Variants in FAM83G observed in about 807,000 individuals in gnomAD.
FAM83G encodes protein FAM83G.
In FAM83G, 38 loss-of-function variants were observed where a neutral mutation model predicts 61.5. The ratio of observed to expected loss-of-function variants is 0.62; its 90% CI spans 0.48 to 0.81. The LOEUF is 0.81. Among genes scored for constraint, FAM83G ranks in the 30% least tolerant of loss-of-function variants. The pLI is 0.00. For missense variants in FAM83G, 989 were observed against 1,133.6 expected (o/e 0.87, Z 1.83); for synonymous variants, 470 against 476.1 (o/e 0.99, Z 0.17).
At chr17:18,982,904 G>A (rs1219463902) in intron 3 of FAM83G, among the ~76,000 whole-genome samples, 4 of 152,202 alleles carry the variant, frequency 2.6e-5, no homozygotes, top group African/African-American at 9.7e-5. Flanking sequence ...CTATGAAAGG[G>A]TCTACTCATC....
At chr17:18,989,976 G>A (rs1032622104) in intron 2 of FAM83G, among the ~76,000 whole-genome samples, 1 of 152,234 alleles carries the variant, frequency 6.6e-6, no homozygotes, top group African/African-American at 2.4e-5. Context: ...GGAGGTGTGG[G>A]ACCAGCTGGG....
In FAM83G at chr17:19,000,008, G is replaced by A. The variant is rs2152140351; in HGVS notation, c.522+3512C>T. Among the ~76,000 whole-genome samples the A allele has an allele frequency of 6.6e-6, 1 of 152,382 alleles. No individual in the cohort carries two copies. The highest frequency in any genetic ancestry group is 2.4e-5 in the African/African-American group (1 of 41,600). ...AGAACATCTACATCCAGCTCTGGCT[G>A]AGGAAGCCCCAACCCAGCCCAGCCT... On this transcript the variant is annotated intron_variant, in intron 2 of 5. Transcript: ENST00000388995. This position sits in a 1 kb window ranked among gnomAD's most constrained non-coding sequence, Gnocchi z 5.2.
At position 18,979,428 on chromosome 17, in the gene FAM83G, C is replaced by T. The variant is rs377235480; in HGVS notation, c.815+121G>A. ...GGCGGGCAGATGTGCTCCAGCCCTGCGCACACCTCAGCAGCCTTGGGACCA... is the reference window on the plus strand; with the variant it reads ...GGCGGGCAGATGTGCTCCAGCCCTGTGCACACCTCAGCAGCCTTGGGACCA... On this transcript the variant is annotated intron_variant, in intron 4 of 5. Transcript: ENST00000388995. The T allele has an allele frequency of 7.6e-5, 95 of 1,250,388 alleles. No individual in the cohort carries two copies. The African/African-American group carries it at 1.0e-3, about 13-fold the overall frequency. 77.5% of individuals were successfully genotyped at this position (1,250,388 alleles called of 1,614,324 possible).
In FAM83G at chr17:19,003,577, T is replaced by G; in HGVS notation, c.465A>C (p.Ile155=). 1 of 1,593,822 alleles carries G rather than the reference T, an allele frequency of 6.3e-7. No homozygotes were observed. The highest frequency in any genetic ancestry group is 8.5e-7 in the Non-Finnish European group (1 of 1,170,076). The change falls in exon 2 of 6, where the codon ATA becomes ATC. Residue 155 remains isoleucine, a synonymous_variant. Coordinates refer to ENST00000388995, the MANE Select transcript of FAM83G (RefSeq NM_001039999.3). This position sits in a 1 kb window ranked among gnomAD's most constrained non-coding sequence, Gnocchi z 4.5. ...TRASVYMQPP[I]DGQAHIKEVV... is the part of the protein sequence containing the mutation. ...CCTCTTTGATGTGGGCCTGCCCGTC[T>G]ATGGGGGGCTGCATGTAGACGCTAG... is the stretch of plus-strand genomic sequence containing the variant.
intron 3 of FAM83G, among the ~76,000 whole-genome samples, chr17:18,982,768 G>A (rs2043171746): frequency 1.3e-5 from 2 of 152,248 alleles, no homozygotes; most frequent in Admixed American, 6.5e-5. Flanking sequence ...AGAGGGGGCT[G>A]AGCCCAGGAG....
rs906367161 is a variant in FAM83G, at chr17:18,969,052, C to G, written c.*2307G>C. 1.2e-6 allele frequency: 2 copies of G among 1,612,768 alleles called. No homozygotes were observed. Among genetic ancestry groups the G allele is most frequent in the East Asian group, 2.2e-5 (1 of 44,860 alleles). On this transcript the variant is annotated 3_prime_UTR_variant, in exon 6 of 6. Transcript: ENST00000388995. ...CACACAAGGCTCTCTCCCTCCGCAG[C>G]TGGACCTGTACGCGGGGGCTCTGTT...
Position 18,984,235 on chromosome 17 carries a change from G to C in FAM83G, c.690+4012C>G, listed in dbSNP as rs565697017. Reference sequence around the variant, plus strand: ...CGGGCCCCTGTAGTCCCAGCTACTGGGGAGGCTGAAGCAGGATAATGGCAC... The same window carrying C: ...CGGGCCCCTGTAGTCCCAGCTACTGCGGAGGCTGAAGCAGGATAATGGCAC... On this transcript the variant is annotated intron_variant, in intron 3 of 5. Transcript: ENST00000388995. 1.8e-4 allele frequency among the ~76,000 whole-genome samples: 28 copies of C among 151,894 alleles called. No homozygotes were observed. The East Asian group carries it at 5.2e-3, about 28-fold the overall frequency.
At chr17:18,977,101 C>T in intron 5 of FAM83G, 1 of 1,467,272 alleles carries the variant, frequency 6.8e-7, no homozygotes, top group Non-Finnish European at 9.2e-7. Context: ...GAACTGTTCC[C>T]CAACCTGGGG....
At chr17:18,985,928 T>C (rs1308617819) in intron 3 of FAM83G, among the ~76,000 whole-genome samples, 1 of 152,244 alleles carries the variant, frequency 6.6e-6, no homozygotes, top group Admixed American at 6.5e-5. Context: ...TTAGAATGTG[T>C]GGTTCTTGCC....
At chr17:18,982,960 A>G (rs1282913319) in intron 3 of FAM83G, among the ~76,000 whole-genome samples, 1 of 152,260 alleles carries the variant, frequency 6.6e-6, no homozygotes, top group African/African-American at 2.4e-5. Context: ...GCCACAGTAC[A>G]GGTGGGGCCC....
Position 18,968,853 on chromosome 17 carries a change from C to A in FAM83G, c.*2506G>T. 2 of 584,796 alleles carry A rather than the reference C, an allele frequency of 3.4e-6. No individual in the cohort carries two copies. The highest frequency in any genetic ancestry group is 2.1e-5 in the South Asian group (1 of 46,820). The allele number at this position is 584,796 out of a possible 1,614,324, so 36.2% of individuals were successfully genotyped here. A position where few individuals can be genotyped will look rare whatever the true frequency, so the allele number is the denominator to read the frequency against. On this transcript the variant is annotated 3_prime_UTR_variant, in exon 6 of 6. Transcript: ENST00000388995. The surrounding 1 kb of genome is among the most constrained non-coding windows in gnomAD (Gnocchi z 4.1). ...ACAGTAATGTCCCCTGACATCCGCACAAGCTTGTAGCTCCACGGCCAGGTC... is the reference window on the plus strand; with the variant it reads ...ACAGTAATGTCCCCTGACATCCGCAAAAGCTTGTAGCTCCACGGCCAGGTC...
intron 2 of FAM83G, among the ~76,000 whole-genome samples, chr17:18,994,402 G>C (rs1432287651): frequency 6.6e-6 from 1 of 152,186 alleles, no homozygotes; most frequent in Non-Finnish European, 1.5e-5. Flanking sequence ...GAGTGTAGCA[G>C]CTAGGATTTG....
intron 3 of FAM83G, 100 bp from the exon 4 acceptor site, chr17:18,979,773 A>C: frequency 7.4e-7 from 1 of 1,349,528 alleles, no homozygotes; most frequent in Non-Finnish European, 1.0e-6. Context: ...GGGACTCTGG[A>C]GTAGTCAGGA....
rs377671707 is a variant in FAM83G, at chr17:19,003,547, C to T, written c.495G>A (p.Val165=). The change falls in exon 2 of 6, where the codon GTG becomes GTA. Residue 165 remains valine, a synonymous_variant. Transcript: ENST00000388995. This position sits in a 1 kb window ranked among gnomAD's most constrained non-coding sequence, Gnocchi z 4.5. ...TCTGTGCCTGGCTGATCATCTTCCG[C>T]ACCACCTCTTTGATGTGGGCCTGCC... ...IDGQAHIKEV[V]RKMISQAQKV... The T allele has an allele frequency of 6.4e-7, 1 of 1,552,522 alleles. No individual in the cohort carries two copies. The highest frequency in any genetic ancestry group is 8.7e-7 in the Non-Finnish European group (1 of 1,149,066).
At position 18,988,281 on chromosome 17, in the gene FAM83G, C is replaced by T. The variant is rs1302241140; in HGVS notation, c.656G>A (p.Cys219Tyr). Residue 219 changes from cysteine (C) to tyrosine (Y), a missense_variant, in exon 3 of 6, where the codon TGT becomes TAT. Coordinates refer to ENST00000388995, the MANE Select transcript of FAM83G (RefSeq NM_001039999.3). Reference protein sequence around the residue: ...ESNVKYFLHMCERACMHLGHL... With the variant: ...ESNVKYFLHMYERACMHLGHL... ...CCCCAGGTGCATGCAGGCCCGCTCACACATGTGCAGGAAGTACTTGACGTT... is the reference window on the plus strand; with the variant it reads ...CCCCAGGTGCATGCAGGCCCGCTCATACATGTGCAGGAAGTACTTGACGTT... 3 of 1,613,752 alleles carry T rather than the reference C, an allele frequency of 1.9e-6. No individual in the cohort carries two copies. The highest frequency in any genetic ancestry group is 2.5e-6 in the Non-Finnish European group (3 of 1,179,796).
intron 2 of FAM83G, among the ~76,000 whole-genome samples, chr17:19,001,479 C>A (rs2043728064): frequency 6.6e-6 from 1 of 152,208 alleles, no homozygotes; most frequent in Non-Finnish European, 1.5e-5. Flanking sequence ...GCAGGGCCCA[C>A]CTGTCCGAGG....
intron 5 of FAM83G, among the ~76,000 whole-genome samples, chr17:18,974,691 C>T (rs764095913): frequency 2.6e-5 from 4 of 152,266 alleles, no homozygotes; most frequent in Non-Finnish European, 4.4e-5. Flanking sequence ...CTCACATTCA[C>T]CGGAGGCCCT....
chr17:18,976,679 T>G (rs2042987779), intron 5 of FAM83G: 1 of 778,466 alleles, frequency 1.3e-6, no homozygotes. Context: ...TGAAGTGAGC[T>G]CTCCTGGTGG....
At chr17:18,977,095 TG>T in intron 5 of FAM83G, 1 of 1,498,158 alleles carries the variant, frequency 6.7e-7, no homozygotes, top group Non-Finnish European at 9.0e-7. Context: ...AGATGTGAAC[TG>T]TTCCCCAACC....
Sources: allele counts gnomAD v4.1 joint callset (sites outside exome capture counted in the v4.1 genomes callset), GRCh38; gene constraint gnomAD v4.1.1; non-coding constraint Gnocchi (gnomAD v3.1); transcripts MANE v1.5; gene names NCBI Gene and HGNC (gene_info 2026-07-23, HGNC 2026-07-21).